Variants in LAMA2 observed in about 807,000 individuals in gnomAD.
The protein encoded by LAMA2 is laminin subunit alpha 2.
Under a neutral mutation model 364.8 loss-of-function variants are expected in LAMA2, and 269 were observed. That is an observed-to-expected ratio of 0.74 (90% CI 0.67 to 0.82). LAMA2 has a LOEUF of 0.82. Among genes scored for constraint, LAMA2 ranks in the 40% least tolerant of loss-of-function variants. LAMA2 has a pLI of 0.00. For synonymous variants in LAMA2, 1,379 were observed against 1,370.6 expected (o/e 1.01, Z -0.14); for missense variants, 3,807 against 3,873.2 (o/e 0.98, Z 0.45).
chr6:129,111,590 T>C (rs1776159885), intron 4 of LAMA2, among the ~76,000 whole-genome samples: 1 of 152,018 alleles, frequency 6.6e-6, no homozygotes, highest in African/African-American at 2.4e-5. Context: ...TTTAAACTAA[T>C]ATGTGCCAAA....
chr6:129,370,212 G>C (rs1056401076), intron 34 of LAMA2, among the ~76,000 whole-genome samples: 6 of 152,192 alleles, frequency 3.9e-5, no homozygotes, highest in Admixed American at 3.3e-4. Context: ...TGGCTAAAAA[G>C]TCCAGAATGA....
chr6:129,148,988 TGTGA>T lies in LAMA2; in HGVS notation c.923_926del (p.Glu308ValfsTer28). On this transcript the variant is annotated frameshift_variant, in exon 7 of 65. Transcript: ENST00000421865. LOFTEE classifies it high-confidence loss of function. ...CCCTCTTTTTGACTAGAAATCTCGC[TGTGA>T]GTGTGAGCATAACACATGTGGCGAT... The T allele has an allele frequency of 6.2e-7, 1 of 1,612,138 alleles. No homozygotes were observed. Among genetic ancestry groups the T allele is most frequent in the South Asian group, 1.1e-5 (1 of 91,048 alleles).
At chr6:128,937,599 T>C (rs1160958567) in intron 1 of LAMA2, among the ~76,000 whole-genome samples, 1 of 152,134 alleles carries the variant, frequency 6.6e-6, no homozygotes, top group Non-Finnish European at 1.5e-5. Context: ...TAATTGTTCA[T>C]AGCAGTCTCT....
At chr6:129,162,015 G>A (rs185336655) in intron 8 of LAMA2, among the ~76,000 whole-genome samples, 6 of 152,214 alleles carry the variant, frequency 3.9e-5, no homozygotes, top group South Asian at 2.1e-4. Flanking sequence ...GGGCATATAC[G>A]CAGTAATGGG....
In LAMA2 at chr6:129,047,222, G is replaced by T. The variant is rs1377074495; in HGVS notation, c.113-2696G>T. 4.6e-5 allele frequency among the ~76,000 whole-genome samples: 7 copies of T among 152,006 alleles called. No individual in the cohort carries two copies. The East Asian group carries it at 1.3e-3, about 29-fold the overall frequency. Reference sequence around the variant, plus strand: ...AAAATAAGGTAAAAACTTTTAAATGGTACTCTACTTTTTATAAAACATTAC... The same window carrying T: ...AAAATAAGGTAAAAACTTTTAAATGTTACTCTACTTTTTATAAAACATTAC... On this transcript the variant is annotated intron_variant, in intron 1 of 64. Coordinates refer to ENST00000421865, the MANE Select transcript of LAMA2 (RefSeq NM_000426.4).
At chr6:129,191,969 A>T (rs1227727804) in intron 11 of LAMA2, among the ~76,000 whole-genome samples, 1 of 152,212 alleles carries the variant, frequency 6.6e-6, no homozygotes, top group Non-Finnish European at 1.5e-5. Context: ...ACAAATCATT[A>T]TGCATTCCCA....
intron 8 of LAMA2, among the ~76,000 whole-genome samples, chr6:129,164,124 T>C (rs559084993): frequency 6.6e-6 from 1 of 152,160 alleles, no homozygotes; most frequent in South Asian, 2.1e-4. Context: ...GGAACCCCAG[T>C]TGATACCTGA....
At chr6:129,068,045 G>A (rs542012374) in intron 3 of LAMA2, among the ~76,000 whole-genome samples, 8 of 152,158 alleles carry the variant, frequency 5.3e-5, no homozygotes, top group Admixed American at 4.6e-4. Context: ...TTTTTTGTGC[G>A]TGGAGCTATT....
In LAMA2 at chr6:129,509,660, C is replaced by T. The variant is rs1786411321; in HGVS notation, c.8857+2018C>T. Among the ~76,000 whole-genome samples, 3 of 152,082 alleles carry T rather than the reference C, an allele frequency of 2.0e-5. No individual in the cohort carries two copies. The South Asian group carries it at 6.2e-4, about 31-fold the overall frequency. ...AGAACCTTTATGGAAAATGAGTTCA[C>T]TGTAGATGTATGGATTTATTTCTGG... is the stretch of plus-strand genomic sequence containing the variant. On this transcript the variant is annotated intron_variant, in intron 62 of 64. Coordinates refer to ENST00000421865, the MANE Select transcript of LAMA2 (RefSeq NM_000426.4).
At chr6:128,989,209 ATATG>A (rs2114655909) in intron 1 of LAMA2, among the ~76,000 whole-genome samples, 1 of 152,282 alleles carries the variant, frequency 6.6e-6, no homozygotes, top group South Asian at 2.1e-4. Context: ...ATAGTAAAGA[ATATG>A]TATGAGAAAC....
At chr6:129,285,951 C>T (rs1789082011) in intron 18 of LAMA2, among the ~76,000 whole-genome samples, 1 of 151,976 alleles carries the variant, frequency 6.6e-6, no homozygotes, top group African/African-American at 2.4e-5. Context: ...GATAAAACAT[C>T]AAATCTATGA....
At chr6:129,490,427 A>T (rs1328108668) in intron 56 of LAMA2, among the ~76,000 whole-genome samples, 1 of 152,214 alleles carries the variant, frequency 6.6e-6, no homozygotes, top group African/African-American at 2.4e-5. Context: ...GGTCACTATG[A>T]TGGTCCTTGT....
At chr6:129,394,937 G>A (rs1779523574) in intron 37 of LAMA2, among the ~76,000 whole-genome samples, 1 of 152,098 alleles carries the variant, frequency 6.6e-6, no homozygotes, top group South Asian at 2.1e-4. Flanking sequence ...TTTAACTAAA[G>A]ACTTGTTTAA....
chr6:128,984,400 C>T (rs1783085248), intron 1 of LAMA2, among the ~76,000 whole-genome samples: 1 of 152,148 alleles, frequency 6.6e-6, no homozygotes, highest in Non-Finnish European at 1.5e-5. Flanking sequence ...CTTAAGGGCC[C>T]ATTCGTATGT....
At chr6:129,129,657 G>T (rs888862646) in intron 4 of LAMA2, among the ~76,000 whole-genome samples, 1 of 152,098 alleles carries the variant, frequency 6.6e-6, no homozygotes, top group Non-Finnish European at 1.5e-5. Flanking sequence ...GGGCGCGGTG[G>T]CTCACGCCTG....
chr6:129,048,991 G>A (rs974248756), intron 1 of LAMA2, among the ~76,000 whole-genome samples: 1 of 152,068 alleles, frequency 6.6e-6, no homozygotes, highest in African/African-American at 2.4e-5. Flanking sequence ...AACCTAGATG[G>A]TCGGCATATT....
rs181660474 is a variant in LAMA2, at chr6:128,927,982, A to G, written c.112+44625A>G. On this transcript the variant is annotated intron_variant, in intron 1 of 64. Transcript: ENST00000421865. The stretch of plus-strand genomic sequence containing the variant: ...GTTTCTGGAACTTTCCTCTCTGTAA[A>G]GTACAGGAAATACTGAGCTACACTG... Among the ~76,000 whole-genome samples the G allele has an allele frequency of 7.2e-5, 11 of 152,328 alleles. 1 individual carries two copies. Among genetic ancestry groups the G allele is most frequent in the Admixed American group, 6.5e-4 (10 of 15,308 alleles).
chr6:128,915,282 C>A (rs550247463), intron 1 of LAMA2, among the ~76,000 whole-genome samples: 1 of 152,264 alleles, frequency 6.6e-6, no homozygotes, highest in African/African-American at 2.4e-5. Context: ...ATAAAAAATT[C>A]TTTTTCTTTA....
At chr6:129,094,326 A>C (rs568041008) in intron 3 of LAMA2, among the ~76,000 whole-genome samples, 1 of 152,354 alleles carries the variant, frequency 6.6e-6, no homozygotes, top group Non-Finnish European at 1.5e-5. Context: ...GAACCCATAG[A>C]AAATAAATGA....
Sources: allele counts gnomAD v4.1 joint callset (sites outside exome capture counted in the v4.1 genomes callset), GRCh38; gene constraint gnomAD v4.1.1; transcripts MANE v1.5; gene names NCBI Gene and HGNC (gene_info 2026-07-23, HGNC 2026-07-21).